Variants in PARD3 observed in about 807,000 individuals in gnomAD.
PARD3 encodes partitioning defective 3 homolog.
PARD3 carries 75 observed loss-of-function variants against 155.4 expected under a neutral mutation model. The ratio of observed to expected loss-of-function variants is 0.48; its 90% CI spans 0.40 to 0.58. PARD3 has a LOEUF of 0.58. PARD3 is among the 20% of genes least tolerant of loss of function. PARD3 has a pLI of 0.00. For missense variants in PARD3, 1,642 were observed against 1,721.7 expected (o/e 0.95, Z 0.82); for synonymous variants, 576 against 610.5 (o/e 0.94, Z 0.83).
chr10:34,453,272 A>C (rs2077158355), intron 4 of PARD3, among the ~76,000 whole-genome samples: 1 of 152,208 alleles, frequency 6.6e-6, no homozygotes, highest in Non-Finnish European at 1.5e-5. Context: ...ATTTTCTAAG[A>C]AGCATTCCCT....
chr10:34,210,378 T>C (rs1449895972), intron 22 of PARD3, among the ~76,000 whole-genome samples: 1 of 152,178 alleles, frequency 6.6e-6, no homozygotes, highest in African/African-American at 2.4e-5. Context: ...CACTAGTGAA[T>C]TGCCCCACAT....
chr10:34,495,434 C>T (rs1044681467), intron 3 of PARD3, among the ~76,000 whole-genome samples: 28 of 152,248 alleles, frequency 1.8e-4, no homozygotes, highest in Admixed American at 5.9e-4. Flanking sequence ...ATTAATCACT[C>T]GGATAATCAA....
At chr10:34,357,800 T>C (rs1037115708) in intron 14 of PARD3, among the ~76,000 whole-genome samples, 5 of 152,178 alleles carry the variant, frequency 3.3e-5, no homozygotes, top group African/African-American at 1.2e-4. Flanking sequence ...CATTCTACAT[T>C]TGGCAAATAA....
chr10:34,112,755 G>C (rs1946452683), intron 24 of PARD3, among the ~76,000 whole-genome samples: 1 of 152,172 alleles, frequency 6.6e-6, no homozygotes, highest in Non-Finnish European at 1.5e-5. Context: ...GCATCAATAT[G>C]GTTTGGAGTG....
chr10:34,792,126 G>A (rs1220892294), intron 1 of PARD3, among the ~76,000 whole-genome samples: 1 of 151,934 alleles, frequency 6.6e-6, no homozygotes, highest in African/African-American at 2.4e-5. Context: ...CCACGTGCTT[G>A]CCCCGGACCT....
At chr10:34,449,386 C>A (rs1179162286) in intron 5 of PARD3, among the ~76,000 whole-genome samples, 2 of 145,484 alleles carry the variant, frequency 1.4e-5, no homozygotes, top group Non-Finnish European at 3.0e-5. Context: ...CTACAAAAAA[C>A]CCATTGTGAG....
At chr10:34,604,402 C>T (rs1364524552) in intron 2 of PARD3, among the ~76,000 whole-genome samples, 1 of 151,968 alleles carries the variant, frequency 6.6e-6, no homozygotes, top group Non-Finnish European at 1.5e-5. Context: ...ACAGGCCTAG[C>T]CTCCCAGCCC....
chr10:34,456,614 T>C (rs2077355152), intron 4 of PARD3, among the ~76,000 whole-genome samples: 1 of 152,146 alleles, frequency 6.6e-6, no homozygotes, highest in Non-Finnish European at 1.5e-5. Context: ...CTTTTTCAAC[T>C]GAGTTAAAGT....
chr10:34,777,113 A>G (rs1262357684), intron 1 of PARD3, among the ~76,000 whole-genome samples: 1 of 151,128 alleles, frequency 6.6e-6, no homozygotes, highest in Non-Finnish European at 1.5e-5. Flanking sequence ...GGCCTCCCAA[A>G]GTGCTGGGAC....
intron 3 of PARD3, among the ~76,000 whole-genome samples, chr10:34,497,510 C>T (rs1223571927): frequency 6.6e-6 from 1 of 152,124 alleles, no homozygotes; most frequent in African/African-American, 2.4e-5. Flanking sequence ...GAGCTTTTCC[C>T]CACAATTAAG....
At chr10:34,664,714 G>A (rs1338767331) in intron 2 of PARD3, among the ~76,000 whole-genome samples, 1 of 152,110 alleles carries the variant, frequency 6.6e-6, no homozygotes, top group Non-Finnish European at 1.5e-5. Context: ...TCGAACTCCT[G>A]ACCTTAGGTA....
At chr10:34,396,541 T>C (rs1843365121) in intron 7 of PARD3, among the ~76,000 whole-genome samples, 1 of 152,202 alleles carries the variant, frequency 6.6e-6, no homozygotes, top group Non-Finnish European at 1.5e-5. Flanking sequence ...ACAATTGGTA[T>C]TCTGCATTAT....
intron 20 of PARD3, among the ~76,000 whole-genome samples, chr10:34,309,855 C>T (rs1490876278): frequency 8.1e-6 from 1 of 122,820 alleles, no homozygotes; most frequent in Non-Finnish European, 1.6e-5. Context: ...TGGCTCTTGG[C>T]TTAAAGCATG....
At chr10:34,386,149 T>C (rs1025761167) in intron 7 of PARD3, among the ~76,000 whole-genome samples, 10 of 152,344 alleles carry the variant, frequency 6.6e-5, no homozygotes, top group South Asian at 4.1e-4. Flanking sequence ...GGTGGCATTA[T>C]ACTAGAGTGA....
At chr10:34,448,055 A>T (rs1361964407) in intron 5 of PARD3, among the ~76,000 whole-genome samples, 1 of 152,196 alleles carries the variant, frequency 6.6e-6, no homozygotes, top group African/African-American at 2.4e-5. Context: ...AGAAGCATAA[A>T]TTCACAATAG....
chr10:34,428,152 T>C (rs1020844135), intron 5 of PARD3, among the ~76,000 whole-genome samples: 3 of 152,122 alleles, frequency 2.0e-5, no homozygotes, highest in African/African-American at 4.8e-5. Flanking sequence ...CCTCCAGCAT[T>C]TCCCCAATCT....
At chr10:34,654,170 TAA>T (rs74707143) in intron 2 of PARD3, among the ~76,000 whole-genome samples, 25 of 122,230 alleles carry the variant, frequency 2.0e-4, no homozygotes, top group African/African-American at 2.7e-4. Flanking sequence ...AGTAAAACTG[TAA>T]AAAAAAAAAA....
intron 20 of PARD3, among the ~76,000 whole-genome samples, chr10:34,316,573 C>G (rs762307551): frequency 2.0e-5 from 3 of 152,132 alleles, no homozygotes; most frequent in Non-Finnish European, 4.4e-5. Flanking sequence ...CCTTTAAATG[C>G]TACCACTAAC....
chr10:34,726,498 G>A (rs1054407813), intron 1 of PARD3, among the ~76,000 whole-genome samples: 2 of 148,882 alleles, frequency 1.3e-5, no homozygotes, highest in African/African-American at 2.6e-5. Flanking sequence ...AGGCAGAATC[G>A]CTCGAGCCCA....
Sources: gnomAD v4.1 joint callset for allele counts (sites outside exome capture counted in the v4.1 genomes callset) on GRCh38, gnomAD v4.1.1 for gene constraint, MANE v1.5 for transcripts, NCBI Gene and HGNC (gene_info 2026-07-23, HGNC 2026-07-21) for gene names.